The following PTCD3 variants were observed in gnomAD, a reference collection of about 807,000 sequenced individuals.
PTCD3 encodes pentatricopeptide repeat domain 3.
PTCD3 carries 89 observed loss-of-function variants against 101.9 expected under a neutral mutation model. The observed-to-expected ratio is 0.87, with a 90% CI of 0.74 to 1.04. The LOEUF (loss-of-function observed/expected upper bound fraction) is 1.04. PTCD3 is among the 50% of genes least tolerant of loss of function. PTCD3 has a pLI of 0.00. For missense variants in PTCD3, 870 were observed against 828.2 expected, an observed-to-expected ratio of 1.05 and a Z score of -0.62; for synonymous variants, 296 against 278.5, an observed-to-expected ratio of 1.06 and a Z score of -0.63.
intron 22 of PTCD3, 83 bp downstream of exon 22, chr2:86,136,645 C>T (rs1674589659): frequency 6.9e-7 from 1 of 1,451,852 alleles, no homozygotes; most frequent in African/African-American, 1.4e-5. Context: ...TTAGCCACCA[C>T]ATTTGGGCAC....
At chr2:86,133,063 T>C (rs1167163385) in intron 17 of PTCD3, 115 bp from the exon 18 acceptor site, 13 of 1,447,186 alleles carry the variant, frequency 9.0e-6, no homozygotes, top group Non-Finnish European at 1.2e-5. Flanking sequence ...AACTTGAAAC[T>C]GTAAGTATTT....
rs73947610 is a variant in PTCD3, at chr2:86,134,240, T to C, written c.1544-52T>C. ...AAAATAGGTTGACAGTGAACAAAAGTGTGTTGGTTTTACATAACAATGATC... is the reference window on the plus strand; with the variant it reads ...AAAATAGGTTGACAGTGAACAAAAGCGTGTTGGTTTTACATAACAATGATC... On this transcript the variant is annotated intron_variant, in intron 19 of 23. Coordinates refer to ENST00000254630, the MANE Select transcript of PTCD3 (RefSeq NM_017952.6). The C allele has an allele frequency of 5.0e-4, 670 of 1,351,500 alleles. 5 individuals carry two copies. The African/African-American group carries it at 8.4e-3, about 17-fold the overall frequency. 83.7% of individuals were successfully genotyped at this position (1,351,500 alleles called of 1,614,324 possible).
chr2:86,127,597 AG>A (rs1249940922), intron 13 of PTCD3: 4 of 465,156 alleles, frequency 8.6e-6, no homozygotes, highest in Non-Finnish European at 1.5e-5. Context: ...CAACATAATT[AG>A]GTATTTGAAC....
chr2:86,122,895 A>C (rs1263111734), intron 8 of PTCD3, among the ~76,000 whole-genome samples: 1 of 152,168 alleles, frequency 6.6e-6, no homozygotes, highest in Non-Finnish European at 1.5e-5. Flanking sequence ...TGCAATGCCA[A>C]CCAAGCCTGT....
intron 12 of PTCD3, among the ~76,000 whole-genome samples, chr2:86,126,491 G>A (rs1179345326): frequency 2.6e-5 from 4 of 152,112 alleles, no homozygotes; most frequent in Non-Finnish European, 5.9e-5. Context: ...AATCCTATCA[G>A]GTGTAATTTC....
In PTCD3 at chr2:86,131,119, T is replaced by C; in HGVS notation, c.1266+13T>C. On this transcript the variant is annotated intron_variant, in intron 16 of 23. Coordinates refer to ENST00000254630, the MANE Select transcript of PTCD3 (RefSeq NM_017952.6). ...AGCCATGAGCATAGTAAGTATCATT[T>C]CTTTATTAATTTGCTATCCATTTCC... 8 of 1,580,026 alleles carry C rather than the reference T, an allele frequency of 5.1e-6. No homozygotes were observed. Among genetic ancestry groups the C allele is most frequent in the Non-Finnish European group, 6.9e-6 (8 of 1,161,170 alleles).
intron 1 of PTCD3, among the ~76,000 whole-genome samples, chr2:86,107,564 TCAGAACACTTAAA>T (rs1474829530): frequency 6.6e-6 from 1 of 152,202 alleles, no homozygotes; most frequent in Non-Finnish European, 1.5e-5. Flanking sequence ...TTTAGTGTGA[TCAGAACACTTAAA>T]CAGAACACTT....
rs764621355 is a variant in PTCD3, at chr2:86,106,285, G to A, written c.38G>A (p.Arg13His). The A allele has an allele frequency of 1.6e-5, 26 of 1,613,550 alleles. No individual in the cohort carries two copies. Among genetic ancestry groups the A allele is most frequent in the Non-Finnish European group, 2.1e-5 (25 of 1,179,958 alleles). Residue 13 changes from arginine (R) to histidine (H), a missense_variant, in exon 1 of 24, where the codon CGC becomes CAC. Coordinates refer to ENST00000254630, the MANE Select transcript of PTCD3 (RefSeq NM_017952.6). ...TCTGCTGTTCGCTGGCTGGGCCTCC[G>A]CAGCAGGCTTGGCCAGCCGCTGACG... ...VVSAVRWLGLRSRLGQPLTGR... is the reference protein window; with the variant it reads ...VVSAVRWLGLHSRLGQPLTGR...
intron 20 of PTCD3, among the ~76,000 whole-genome samples, 200 bp from the exon 21 acceptor site, chr2:86,134,639 A>G (rs145221277): frequency 6.6e-6 from 1 of 152,338 alleles, no homozygotes; most frequent in African/African-American, 2.4e-5. Context: ...AAGGAAATGC[A>G]TAGCTGAATT....
intron 1 of PTCD3, chr2:86,107,199 T>A: frequency 2.1e-6 from 1 of 471,254 alleles, no homozygotes. Context: ...CTCCGTTTCC[T>A]GGTAGCCATC....
intron 14 of PTCD3, among the ~76,000 whole-genome samples, chr2:86,130,346 G>A (rs1674473617): frequency 6.6e-6 from 1 of 152,194 alleles, no homozygotes; most frequent in African/African-American, 2.4e-5. Context: ...TTTGGTGAGG[G>A]AGTGTGTGTT....
chr2:86,118,791 G>A, intron 6 of PTCD3, 130 bp from the exon 7 acceptor site: 1 of 999,524 alleles, frequency 1.0e-6, no homozygotes, highest in Non-Finnish European at 1.5e-6. Flanking sequence ...GTAGTATCTG[G>A]TGCAGGAAAC....
intron 8 of PTCD3, among the ~76,000 whole-genome samples, chr2:86,121,926 C>T (rs1674291032): frequency 6.6e-6 from 1 of 152,116 alleles, no homozygotes; most frequent in Admixed American, 6.5e-5. Context: ...GCCTGGGCCC[C>T]CTCAAAAATT....
At chr2:86,121,076 A>C (rs1260048504) in intron 7 of PTCD3, among the ~76,000 whole-genome samples, 4 of 152,196 alleles carry the variant, frequency 2.6e-5, no homozygotes, top group African/African-American at 9.7e-5. Flanking sequence ...GTTTTCAGTG[A>C]GTATCTGGAT....
intron 1 of PTCD3, among the ~76,000 whole-genome samples, chr2:86,108,126 TAAA>T (rs368815233): frequency 6.7e-5 from 8 of 118,978 alleles, no homozygotes; most frequent in Non-Finnish European, 5.4e-5. Context: ...ACCCTGTCTC[TAAA>T]AAAAAAAAAA....
At chr2:86,131,447 G>T (rs536027601) in intron 16 of PTCD3, among the ~76,000 whole-genome samples, 75 of 152,220 alleles carry the variant, frequency 4.9e-4, no homozygotes, top group Non-Finnish European at 1.6e-4. Flanking sequence ...ATGTTGACCA[G>T]ACTGGTCTTG....
intron 4 of PTCD3, among the ~76,000 whole-genome samples, chr2:86,111,432 T>TA (rs1674082401): frequency 6.6e-6 from 1 of 151,670 alleles, no homozygotes; most frequent in Non-Finnish European, 1.5e-5. Flanking sequence ...ACTGAAAATA[T>TA]AAAAAATTAG....
intron 13 of PTCD3, 163 bp from the exon 14 acceptor site, chr2:86,127,778 C>T: frequency 1.6e-6 from 1 of 625,462 alleles, no homozygotes; most frequent in Non-Finnish European, 2.8e-6. Flanking sequence ...TTTACCTTTA[C>T]ATTAATGAGT....
intron 22 of PTCD3, 142 bp from the exon 23 acceptor site, chr2:86,136,840 C>A (rs149015534): frequency 2.6e-6 from 3 of 1,144,714 alleles, no homozygotes; most frequent in African/African-American, 3.1e-5. Flanking sequence ...TCACTGGAAA[C>A]AAGTAAAAAT....
Sources: gnomAD v4.1 joint callset for allele counts (sites outside exome capture counted in the v4.1 genomes callset) on GRCh38, gnomAD v4.1.1 for gene constraint, MANE v1.5 for transcripts, NCBI Gene and HGNC (gene_info 2026-07-23, HGNC 2026-07-21) for gene names.